EYS: variants seen among roughly 807,000 people sequenced by gnomAD.
EYS encodes the protein EGF-like photoreceptor maintenance factor, also known as protein eyes shut homolog.
A neutral mutation model predicts 282.1 loss-of-function variants in EYS; 250 were observed. The ratio of observed to expected loss-of-function variants is 0.89; its 90% CI spans 0.80 to 0.98. EYS has a LOEUF of 0.98. EYS is among the 50% of genes least tolerant of loss of function. The pLI, the probability that EYS is intolerant of heterozygous loss-of-function variation, is 0.00. For synonymous variants in EYS, 1,355 were observed against 1,282.9 expected (o/e 1.06, Z -1.20); for missense variants, 4,016 against 3,709.0 (o/e 1.08, Z -2.15).
chr6:64,880,428 G>A (rs9345565), intron 19 of EYS, among the ~76,000 whole-genome samples: 23,469 of 151,640 alleles, frequency 0.15, 2,140 homozygotes, highest in East Asian at 0.49. Context: ...ACATAAAAAT[G>A]TAAATATCAG....
intron 31 of EYS, among the ~76,000 whole-genome samples, chr6:64,083,007 C>T (rs928461356): frequency 4.6e-5 from 7 of 151,694 alleles, no homozygotes; most frequent in Non-Finnish European, 8.8e-5. Context: ...CTCTCAGGCT[C>T]AGGTCATCCA....
intron 5 of EYS, among the ~76,000 whole-genome samples, chr6:65,423,733 C>T (rs531908388): frequency 2.6e-5 from 4 of 151,870 alleles, no homozygotes; most frequent in Admixed American, 2.0e-4. Context: ...TTAGGTTACC[C>T]TCTCCTCCCA....
At chr6:64,955,751 G>A (rs1489200522) in intron 14 of EYS, among the ~76,000 whole-genome samples, 1 of 152,132 alleles carries the variant, frequency 6.6e-6, no homozygotes, top group Non-Finnish European at 1.5e-5. Flanking sequence ...GTCCCCGGGG[G>A]AGCGGGGGAA....
chr6:64,995,438 T>C (rs1771220219), intron 14 of EYS, among the ~76,000 whole-genome samples: 1 of 152,146 alleles, frequency 6.6e-6, no homozygotes, highest in Admixed American at 6.5e-5. Context: ...GTTCTTCTTA[T>C]ACATTATCAA....
intron 32 of EYS, among the ~76,000 whole-genome samples, chr6:64,080,511 G>C (rs1771928718): frequency 6.6e-6 from 1 of 152,056 alleles, no homozygotes; most frequent in African/African-American, 2.4e-5. Flanking sequence ...TAGGTTGCCT[G>C]TTCACTCTGA....
intron 31 of EYS, among the ~76,000 whole-genome samples, chr6:64,082,667 T>C (rs1221976830): frequency 6.6e-6 from 1 of 152,114 alleles, no homozygotes; most frequent in Non-Finnish European, 1.5e-5. Context: ...TCAATAATAC[T>C]TAGTTATTTT....
At chr6:64,388,331 T>A (rs1159556882) in intron 29 of EYS, among the ~76,000 whole-genome samples, 1 of 152,128 alleles carries the variant, frequency 6.6e-6, no homozygotes, top group Non-Finnish European at 1.5e-5. Context: ...CAAACTATAT[T>A]TTTGGTGTGT....
At chr6:65,126,967 T>G (rs1196987692) in intron 12 of EYS, among the ~76,000 whole-genome samples, 1 of 152,080 alleles carries the variant, frequency 6.6e-6, no homozygotes, top group Non-Finnish European at 1.5e-5. Flanking sequence ...GATCCATCAC[T>G]CTGGAGAACC....
At chr6:65,124,815 T>C (rs997618932) in intron 12 of EYS, among the ~76,000 whole-genome samples, 1 of 152,234 alleles carries the variant, frequency 6.6e-6, no homozygotes, top group Non-Finnish European at 1.5e-5. Context: ...CCAACACAGA[T>C]GCTGTCCCCC....
chr6:64,146,577 T>C (rs1039079692), intron 31 of EYS, among the ~76,000 whole-genome samples: 14 of 152,078 alleles, frequency 9.2e-5, no homozygotes, highest in Admixed American at 9.2e-4. Flanking sequence ...TGAGGATTCT[T>C]CTATGGGGAA....
intron 12 of EYS, among the ~76,000 whole-genome samples, chr6:65,282,888 G>A (rs1768263075): frequency 6.6e-6 from 1 of 151,886 alleles, no homozygotes; most frequent in Non-Finnish European, 1.5e-5. Context: ...TCAGTCTGCA[G>A]AGTTTCTTAA....
intron 28 of EYS, among the ~76,000 whole-genome samples, chr6:64,407,959 C>T (rs1773774103): frequency 6.6e-6 from 1 of 152,072 alleles, no homozygotes; most frequent in African/African-American, 2.4e-5. Flanking sequence ...TCTCAAACTC[C>T]TGACCTCAGG....
At chr6:64,722,911 T>A (rs1771629821) in intron 22 of EYS, among the ~76,000 whole-genome samples, 1 of 152,174 alleles carries the variant, frequency 6.6e-6, no homozygotes, top group Non-Finnish European at 1.5e-5. Context: ...TAGGCTTCCG[T>A]ATTGTTATCA....
chr6:64,080,780 G>T (rs966403344), intron 32 of EYS, among the ~76,000 whole-genome samples: 38 of 151,906 alleles, frequency 2.5e-4, no homozygotes, highest in African/African-American at 8.9e-4. Context: ...CATATGGCTA[G>T]CCAGTTTTCC....
intron 13 of EYS, among the ~76,000 whole-genome samples, chr6:65,043,773 C>T (rs73765729): frequency 3.8e-4 from 57 of 151,354 alleles, no homozygotes; most frequent in African/African-American, 1.2e-3. Context: ...TTTTATTTAT[C>T]CATTCTTCCA....
intron 26 of EYS, among the ~76,000 whole-genome samples, chr6:64,494,943 TATTG>T (rs1776846023): frequency 6.6e-6 from 1 of 151,696 alleles, no homozygotes. Flanking sequence ...TAATCACCAC[TATTG>T]ATTATTATAA....
At chr6:64,423,061 TTCAA>T (rs1419055829) in intron 28 of EYS, among the ~76,000 whole-genome samples, 1 of 152,182 alleles carries the variant, frequency 6.6e-6, no homozygotes, top group Non-Finnish European at 1.5e-5. Context: ...TATTCATTCA[TTCAA>T]TCAATCACTC....
At chr6:64,427,337 CCAA>C (rs1774442923) in intron 28 of EYS, among the ~76,000 whole-genome samples, 1 of 152,012 alleles carries the variant, frequency 6.6e-6, no homozygotes, top group African/African-American at 2.4e-5. Flanking sequence ...CAGCAGGTAA[CCAA>C]CAACTATAGA....
intron 11 of EYS, among the ~76,000 whole-genome samples, chr6:65,332,759 C>G (rs2036467): frequency 0.92 from 138,719 of 151,352 alleles, 63,723 homozygotes; most frequent in East Asian, 1. Context: ...AGTCATCTAG[C>G]CATGAACATT....
Sources: gnomAD v4.1 joint callset for allele counts (sites outside exome capture counted in the v4.1 genomes callset) on GRCh38, gnomAD v4.1.1 for gene constraint, MANE v1.5 for transcripts, NCBI Gene and HGNC (gene_info 2026-07-23, HGNC 2026-07-21) for gene names.